The following DTNA variants were observed in gnomAD, a reference collection of about 807,000 sequenced individuals.
The protein encoded by DTNA is dystrophin-related protein 3.
A neutral mutation model predicts 100.7 loss-of-function variants in DTNA; 43 were observed. That is an observed-to-expected ratio of 0.43 (90% CI 0.33 to 0.55). DTNA has a LOEUF of 0.55. DTNA is among the 20% of genes least tolerant of loss of function. DTNA has a pLI of 0.04. For synonymous variants in DTNA, 349 were observed against 347.9 expected, an observed-to-expected ratio of 1.00 and a Z score of -0.04; for missense variants, 798 against 953.9, an observed-to-expected ratio of 0.84 and a Z score of 2.15.
intron 2 of DTNA, among the ~76,000 whole-genome samples, chr18:34,764,225 AC>A (rs1415160994): frequency 2.2e-4 from 1 of 4,504 alleles, no homozygotes; most frequent in Non-Finnish European, 2.6e-3. Context: ...AGAAGTCAAG[AC>A]TTTATATCTG....
rs2040667658 is a variant in DTNA at position 34,508,037 on chromosome 18, T to C, written c.-2+14523T>C. ...TACCTAAAACTATCTCCTTGGTTGA[T>C]ACATATTAATGATTATGCAATTATT... On this transcript the variant is annotated intron_variant, in intron 1 of 19. Transcript: ENST00000283365. Among the ~76,000 whole-genome samples the C allele has an allele frequency of 2.0e-5, 3 of 152,216 alleles. No homozygotes were observed. In the South Asian group the frequency reaches 6.2e-4, roughly 31 times the overall value.
chr18:34,524,981 A>G (rs2042479094), intron 1 of DTNA, among the ~76,000 whole-genome samples: 1 of 152,192 alleles, frequency 6.6e-6, no homozygotes. Flanking sequence ...TCTAAAACCC[A>G]CTAATTCCTT....
chr18:34,565,486 A>T (rs1015824233), intron 1 of DTNA, among the ~76,000 whole-genome samples: 3 of 152,140 alleles, frequency 2.0e-5, no homozygotes, highest in South Asian at 2.1e-4. Context: ...ACAGACATTT[A>T]TTTTGCCACG....
intron 3 of DTNA, among the ~76,000 whole-genome samples, chr18:34,778,984 A>ATTTT (rs567464632): frequency 0.079 from 11,670 of 147,328 alleles, 588 homozygotes; most frequent in South Asian, 0.14. Flanking sequence ...TGCCCAGCTA[A>ATTTT]TTTTTTTTTT....
At chr18:34,496,930 T>G (rs182932740) in intron 1 of DTNA, among the ~76,000 whole-genome samples, 14 of 152,292 alleles carry the variant, frequency 9.2e-5, no homozygotes, top group Admixed American at 6.5e-4. Flanking sequence ...TCTAGTTACT[T>G]CTGTATTCAC....
At chr18:34,630,980 C>T (rs1347621506) in intron 1 of DTNA, among the ~76,000 whole-genome samples, 1 of 152,082 alleles carries the variant, frequency 6.6e-6, no homozygotes, top group Admixed American at 6.5e-5. Context: ...GACTGAAGGA[C>T]CTCAACATCA....
intron 1 of DTNA, among the ~76,000 whole-genome samples, chr18:34,559,651 G>T (rs577141833): frequency 6.6e-6 from 1 of 152,230 alleles, no homozygotes; most frequent in South Asian, 2.1e-4. Flanking sequence ...TAAATCTACT[G>T]TTGGCCATGT....
chr18:34,673,573 A>G (rs1345464012), intron 1 of DTNA, among the ~76,000 whole-genome samples: 1 of 152,166 alleles, frequency 6.6e-6, no homozygotes, highest in Non-Finnish European at 1.5e-5. Context: ...TCCTTTTTAA[A>G]CCACCTTCAT....
chr18:34,828,678 A>G (rs2095920742), intron 10 of DTNA, among the ~76,000 whole-genome samples: 1 of 152,204 alleles, frequency 6.6e-6, no homozygotes, highest in Non-Finnish European at 1.5e-5. Flanking sequence ...AATTGTAATT[A>G]GCAGAATAAA....
At chr18:34,730,807 C>T (rs2087937477) in intron 1 of DTNA, among the ~76,000 whole-genome samples, 1 of 152,284 alleles carries the variant, frequency 6.6e-6, no homozygotes, top group South Asian at 2.1e-4. Flanking sequence ...GCAAGTGAAA[C>T]TCTGTCCCCT....
chr18:34,599,748 G>A (rs938136937), intron 1 of DTNA, among the ~76,000 whole-genome samples: 10 of 152,276 alleles, frequency 6.6e-5, no homozygotes, highest in African/African-American at 2.4e-4. Flanking sequence ...ACAGCTGTCA[G>A]CTCACTGCAG....
chr18:34,833,833 C>G (rs183157793), intron 11 of DTNA, among the ~76,000 whole-genome samples: 18 of 152,292 alleles, frequency 1.2e-4, no homozygotes, highest in Admixed American at 8.5e-4. Context: ...AGTTTCGGAG[C>G]TTAAAAGGAA....
intron 1 of DTNA, among the ~76,000 whole-genome samples, chr18:34,723,639 C>T (rs1026831657): frequency 6.6e-6 from 1 of 152,162 alleles, no homozygotes; most frequent in African/African-American, 2.4e-5. Context: ...TGGCTCAGGC[C>T]TGTAATCCTA....
At chr18:34,791,514 A>G (rs551517334) in intron 3 of DTNA, among the ~76,000 whole-genome samples, 147 of 152,328 alleles carry the variant, frequency 9.7e-4, no homozygotes, top group Non-Finnish European at 2.4e-4. Flanking sequence ...ATTTAAATAA[A>G]TAAATAAATT....
chr18:34,656,454 AG>A (rs1463007267), intron 1 of DTNA, among the ~76,000 whole-genome samples: 1 of 152,204 alleles, frequency 6.6e-6, no homozygotes, highest in Non-Finnish European at 1.5e-5. Context: ...TTAGGGGAAC[AG>A]GGTGCTAAAA....
At chr18:34,878,757 T>C (rs1349261927) in intron 19 of DTNA, among the ~76,000 whole-genome samples, 1 of 152,212 alleles carries the variant, frequency 6.6e-6, no homozygotes, top group African/African-American at 2.4e-5. Context: ...TTCAAAACTT[T>C]AGCAGTATGA....
chr18:34,545,083 G>A (rs568680555), intron 1 of DTNA, among the ~76,000 whole-genome samples: 3 of 152,206 alleles, frequency 2.0e-5, no homozygotes, highest in South Asian at 4.1e-4. Context: ...ACCGGAGAGA[G>A]ACTGATGTAA....
Position 34,879,699 on chromosome 18 carries a change from A to G in DTNA, c.2142A>G (p.Thr714=). The G allele has an allele frequency of 6.2e-7, 1 of 1,614,104 alleles. No homozygotes were observed. The highest frequency in any genetic ancestry group is 8.5e-7 in the Non-Finnish European group (1 of 1,179,992). Residue 714 remains threonine, a synonymous_variant, in exon 20 of 23, where the codon ACA becomes ACG. Coordinates refer to ENST00000444659, the MANE Select transcript of DTNA (RefSeq NM_001386795.1). ...GGTACATTCACAGTGGAGCTACCACAAGTACCATGCGTGGCGACATGTGAG... is the reference window on the plus strand; with the variant it reads ...GGTACATTCACAGTGGAGCTACCACGAGTACCATGCGTGGCGACATGTGAG... ...KPGYIHSGAT[T]STMRGDMVTE...
At chr18:34,746,258 T>C (rs1485368227) in intron 1 of DTNA, among the ~76,000 whole-genome samples, 1 of 152,144 alleles carries the variant, frequency 6.6e-6, no homozygotes, top group Non-Finnish European at 1.5e-5. Context: ...TGTTTTTATT[T>C]ATTTAATATG....
Sources: allele counts gnomAD v4.1 joint callset (sites outside exome capture counted in the v4.1 genomes callset), GRCh38; gene constraint gnomAD v4.1.1; transcripts MANE v1.5; gene names NCBI Gene and HGNC (gene_info 2026-07-23, HGNC 2026-07-21).